Variants in TMPRSS15 observed in about 807,000 individuals in gnomAD.
The protein encoded by TMPRSS15 is transmembrane serine protease 15.
TMPRSS15 carries 128 observed loss-of-function variants against 125.3 expected under a neutral mutation model. The observed-to-expected ratio is 1.02, with a 90% confidence interval of 0.89 to 1.18. The LOEUF (loss-of-function observed/expected upper bound fraction) is 1.18. Ranked by LOEUF, TMPRSS15 falls within the 50% of genes most tolerant of loss-of-function variation. The pLI is 0.00. For synonymous variants in TMPRSS15, 446 were observed against 423.2 expected, an observed-to-expected ratio of 1.05 and a Z score of -0.66; for missense variants, 1,283 against 1,212.7, an observed-to-expected ratio of 1.06 and a Z score of -0.86.
Position 18,341,491 on chromosome 21 carries a change from T to G in TMPRSS15, c.1486A>C (p.Ser496Arg), listed in dbSNP as rs1393915782. Residue 496 changes from serine (S) to arginine (R), a missense_variant, in exon 13 of 25, where the codon AGC becomes CGC. Transcript: ENST00000284885. ...CCATTGCAAATCCCATATGTTAGGC[T>G]AATGTCATCCAACGCAATATCACTC... Reference protein sequence around the residue: ...ILSDIALDDISLTYGICNGSL... With the variant: ...ILSDIALDDIRLTYGICNGSL... The G allele has an allele frequency of 3.1e-6, 5 of 1,614,066 alleles. No homozygotes were observed. Among genetic ancestry groups the G allele is most frequent in the Non-Finnish European group, 4.2e-6 (5 of 1,180,014 alleles).
At chr21:18,356,152 A>G (rs898645183) in intron 8 of TMPRSS15, among the ~76,000 whole-genome samples, 5 of 151,854 alleles carry the variant, frequency 3.3e-5, no homozygotes, top group Admixed American at 3.3e-4. Context: ...TTAACTCATC[A>G]TTTGTCTACT....
chr21:18,395,934 G>A (rs2076030294), intron 3 of TMPRSS15, among the ~76,000 whole-genome samples: 1 of 152,156 alleles, frequency 6.6e-6, no homozygotes, highest in Admixed American at 6.6e-5. Flanking sequence ...CTCTGCTATT[G>A]AGCTTGTACA....
chr21:18,435,470 A>C (rs2076225784), intron 1 of TMPRSS15, among the ~76,000 whole-genome samples: 1 of 152,160 alleles, frequency 6.6e-6, no homozygotes, highest in Non-Finnish European at 1.5e-5. Context: ...CTTGCATCCC[A>C]GGGATGAAGC....
rs755271540 is a variant in TMPRSS15, at chr21:18,270,010, C to A, written c.3019G>T (p.Val1007Phe). The A allele has an allele frequency of 6.2e-6, 10 of 1,613,834 alleles. No homozygotes were observed. The East Asian group carries it at 1.8e-4, about 29-fold the overall frequency. The change falls in exon 25 of 25, where the codon GTC becomes TTC. Residue 1007 changes from valine to phenylalanine, a missense_variant. Physicochemically the swap from Val to Phe is conservative, Grantham distance 50 (BLOSUM62 -1). Coordinates refer to ENST00000284885, the MANE Select transcript of TMPRSS15 (RefSeq NM_002772.3). ...LPNRPGVYAR[V>F]SRFTEWIQSF... Reference sequence around the variant, plus strand: ...TGTATCCATTCGGTAAACCTTGAGACCCTGGCATACACTCCGGGGCGATTA... The same window carrying A: ...TGTATCCATTCGGTAAACCTTGAGAACCTGGCATACACTCCGGGGCGATTA...
At chr21:18,281,916 T>C (rs2074703377) in intron 21 of TMPRSS15, among the ~76,000 whole-genome samples, 1 of 151,536 alleles carries the variant, frequency 6.6e-6, no homozygotes, top group Non-Finnish European at 1.5e-5. Flanking sequence ...GTTAACACGG[T>C]GAAACCCCGT....
chr21:18,289,193 T>G (rs1338936234), intron 21 of TMPRSS15, among the ~76,000 whole-genome samples: 1 of 152,166 alleles, frequency 6.6e-6, no homozygotes, highest in Non-Finnish European at 1.5e-5. Flanking sequence ...ATTAGTTATA[T>G]CAGTTTACTA....
chr21:18,291,799 G>A, intron 21 of TMPRSS15, among the ~76,000 whole-genome samples: 1 of 152,274 alleles, frequency 6.6e-6, no homozygotes, highest in Admixed American at 6.5e-5. Flanking sequence ...TAAAATGCGT[G>A]GTTGGTAAGG....
At chr21:18,419,330 A>C (rs1173294535) in intron 1 of TMPRSS15, among the ~76,000 whole-genome samples, 1 of 140,656 alleles carries the variant, frequency 7.1e-6, no homozygotes, top group Non-Finnish European at 1.5e-5. Flanking sequence ...GGTTCACGCC[A>C]TTCTCCTGCC....
rs777441244 is a variant in TMPRSS15 at position 18,329,157 on chromosome 21, T to C, written c.1780+12A>G. 33 of 1,612,010 alleles carry C rather than the reference T, an allele frequency of 2.0e-5. No individual in the cohort carries two copies. Among genetic ancestry groups the C allele is most frequent in the Non-Finnish European group, 2.7e-5 (32 of 1,178,662 alleles). On this transcript the variant is annotated intron_variant, in intron 15 of 24. Transcript: ENST00000284885. The stretch of plus-strand genomic sequence containing the variant: ...CTTTACAACCTTTACAATATTCAGA[T>C]TGCAGACTTACCTAAGAGCAAGGAA...
In TMPRSS15 at chr21:18,411,774, C is replaced by T. The variant is rs532955364; in HGVS notation, c.11-13445G>A. ...AGTCACTCTCACCAAGCATATTTCC[C>T]TAATCTACTTTTGTCTGTAAAGTGG... On this transcript the variant is annotated intron_variant, in intron 1 of 7. Coordinates refer to the TMPRSS15 transcript ENST00000422787. Among the ~76,000 whole-genome samples the T allele has an allele frequency of 2.0e-5, 3 of 152,278 alleles. No individual in the cohort carries two copies. In the East Asian group the frequency reaches 5.8e-4, roughly 29 times the overall value.
At chr21:18,369,414 TC>T (rs1432482913) in intron 6 of TMPRSS15, among the ~76,000 whole-genome samples, 1 of 149,268 alleles carries the variant, frequency 6.7e-6, no homozygotes, top group Non-Finnish European at 1.5e-5. Context: ...TGAATCAGCA[TC>T]TTTCCTTTTC....
chr21:18,397,212 T>A (rs1235674305), intron 3 of TMPRSS15, among the ~76,000 whole-genome samples: 1 of 152,186 alleles, frequency 6.6e-6, no homozygotes, highest in Non-Finnish European at 1.5e-5. Context: ...AACTTTAGGT[T>A]CAGAGAGATG....
intron 1 of TMPRSS15, chr21:18,460,444 C>A (rs892532020): frequency 2.0e-5 from 3 of 152,114 alleles, no homozygotes; most frequent in Non-Finnish European, 2.9e-5. Flanking sequence ...TGATAGTACC[C>A]TTAATATTTT....
At chr21:18,407,404 A>T (rs1306992789), upstream of TMPRSS15, among the ~76,000 whole-genome samples, 1 of 151,768 alleles carries the variant, frequency 6.6e-6, no homozygotes, top group Non-Finnish European at 1.5e-5. Flanking sequence ...ATTAAAATTG[A>T]AAGAAACTTT....
chr21:18,420,832 C>T (rs986765765), intron 1 of TMPRSS15, among the ~76,000 whole-genome samples: 4 of 152,098 alleles, frequency 2.6e-5, no homozygotes, highest in African/African-American at 9.7e-5. Flanking sequence ...TGGTTTTCTG[C>T]TATGTAGGCT....
chr21:18,463,863 G>A (rs976038603), intron 1 of TMPRSS15, among the ~76,000 whole-genome samples: 4 of 151,970 alleles, frequency 2.6e-5, no homozygotes, highest in Non-Finnish European at 5.9e-5. Context: ...CATAAATAAC[G>A]AAAATAAGGC....
intron 8 of TMPRSS15, among the ~76,000 whole-genome samples, chr21:18,356,398 T>A (rs1463659632): frequency 6.6e-6 from 1 of 151,778 alleles, no homozygotes; most frequent in Non-Finnish European, 1.5e-5. Context: ...TCTTAGTGAG[T>A]GCCCACTATG....
At chr21:18,381,280 C>G (rs1164925604) in intron 4 of TMPRSS15, among the ~76,000 whole-genome samples, 1 of 151,972 alleles carries the variant, frequency 6.6e-6, no homozygotes, top group Non-Finnish European at 1.5e-5. Flanking sequence ...TTCTATAAAA[C>G]CTATTGAAGT....
intron 16 of TMPRSS15, among the ~76,000 whole-genome samples, chr21:18,325,464 G>A (rs1484586747): frequency 1.3e-5 from 2 of 152,246 alleles, no homozygotes; most frequent in Admixed American, 6.5e-5. Context: ...GCCCTGGTCA[G>A]TTGTGAGTGG....
Sources: gnomAD v4.1 joint callset for allele counts (sites outside exome capture counted in the v4.1 genomes callset) on GRCh38, gnomAD v4.1.1 for gene constraint, MANE v1.5 for transcripts, NCBI Gene and HGNC (gene_info 2026-07-23, HGNC 2026-07-21) for gene names.